The following RHBDF2 variants were observed in gnomAD, a reference collection of about 807,000 sequenced individuals.
RHBDF2 encodes the protein inactive rhomboid protein 2.
A neutral mutation model predicts 95.2 loss-of-function variants in RHBDF2; 38 were observed. The observed-to-expected ratio is 0.40, with a 90% CI of 0.31 to 0.52. RHBDF2 has a LOEUF of 0.52. RHBDF2 is among the 20% of genes least tolerant of loss of function. RHBDF2 has a pLI of 0.56. For missense variants in RHBDF2, 863 were observed against 1,137.7 expected (o/e 0.76, Z 3.47); for synonymous variants, 442 against 462.0 (o/e 0.96, Z 0.55).
intron 16 of RHBDF2, 47 bp downstream of exon 16, chr17:76,473,205 A>G (rs1318270067): frequency 1.3e-6 from 2 of 1,597,532 alleles, no homozygotes; most frequent in East Asian, 2.2e-5. Context: ...GCAGGCTGCC[A>G]TGCCCAGCGT....
intron 1 of RHBDF2, among the ~76,000 whole-genome samples, chr17:76,493,565 C>T (rs1204414434): frequency 1.3e-5 from 2 of 152,100 alleles, no homozygotes; most frequent in Non-Finnish European, 1.5e-5. Flanking sequence ...TTGGCATGAG[C>T]TGCGGCGTGA....
At chr17:76,472,614 C>T in intron 18 of RHBDF2, 72 bp downstream of exon 18, 1 of 1,595,304 alleles carries the variant, frequency 6.3e-7, no homozygotes, top group East Asian at 2.2e-5. Flanking sequence ...TGGCAGATCC[C>T]AGGTGGGTGG....
rs991301973 is a variant in RHBDF2 at position 76,473,416 on chromosome 17, G to A, written c.1734-89C>T. The A allele has an allele frequency of 4.9e-6, 6 of 1,234,524 alleles. No homozygotes were observed. The Admixed American group carries it at 1.2e-4, about 24-fold the overall frequency. The allele number at this position is 1,234,524 out of a possible 1,614,324, so 76.5% of individuals were successfully genotyped here. On this transcript the variant is annotated intron_variant, in intron 15 of 18. Coordinates refer to ENST00000675367, the MANE Select transcript of RHBDF2 (RefSeq NM_001005498.4). ...CAGAGCCCAGCACCTGGCTACAGGA[G>A]GCATCGCTGGCAGGAAGGGGGATGC...
chr17:76,474,459 G>A lies in RHBDF2; in HGVS notation c.1378C>T (p.Arg460Cys), dbSNP rs2073699146. 1 of 1,614,096 alleles carries A rather than the reference G, an allele frequency of 6.2e-7. No homozygotes were observed. Among genetic ancestry groups the A allele is most frequent in the Admixed American group, 1.7e-5 (1 of 60,022 alleles). ...GAGTCCCGCTCCAGGTCTCGCTCGCGCAGCACCAGCTGCTCGATCTGCCCG... is the reference window on the plus strand; with the variant it reads ...GAGTCCCGCTCCAGGTCTCGCTCGCACAGCACCAGCTGCTCGATCTGCCCG... ...KDGQIEQLVL[R>C]ERDLERDSGC... Residue 460 changes from arginine to cysteine, a missense_variant, in exon 12 of 19, where the codon CGC becomes TGC. Arg to Cys is a radical substitution (Grantham distance 180, BLOSUM62 -3). Transcript: ENST00000675367.
At chr17:76,481,016 G>C (rs3809697) in intron 3 of RHBDF2, among the ~76,000 whole-genome samples, 1 of 152,174 alleles carries the variant, frequency 6.6e-6, no homozygotes, top group Non-Finnish European at 1.5e-5. Context: ...GGGAGACACT[G>C]TCCCCTGCTC....
intron 9 of RHBDF2, 127 bp from the exon 10 acceptor site, chr17:76,475,268 T>G: frequency 4.7e-6 from 3 of 641,960 alleles, no homozygotes; most frequent in Non-Finnish European, 8.4e-6. Flanking sequence ...TCAACTCATC[T>G]CAAACCAGAG....
At chr17:76,476,407 ACTCAGCCT>A (rs1000520464) in intron 9 of RHBDF2, 2 of 166,076 alleles carry the variant, frequency 1.2e-5, no homozygotes, top group Non-Finnish European at 2.6e-5. Flanking sequence ...AATCCTTCTG[ACTCAGCCT>A]CCCAAAGTGC....
intron 2 of RHBDF2, among the ~76,000 whole-genome samples, chr17:76,483,900 C>T (rs2074044465): frequency 6.6e-6 from 1 of 152,196 alleles, no homozygotes; most frequent in Non-Finnish European, 1.5e-5. Context: ...CCAGAATTAA[C>T]ACCCTCTGCC....
chr17:76,493,769 C>G (rs2074366486), intron 1 of RHBDF2, among the ~76,000 whole-genome samples: 2 of 152,238 alleles, frequency 1.3e-5, no homozygotes, highest in South Asian at 4.1e-4. Flanking sequence ...CGCTTCAGCC[C>G]ACAGCTGCTG....
At chr17:76,482,574 G>C (rs2074003110) in intron 2 of RHBDF2, among the ~76,000 whole-genome samples, 1 of 152,184 alleles carries the variant, frequency 6.6e-6, no homozygotes, top group Admixed American at 6.5e-5. Context: ...AGGAGTTTGA[G>C]ACCAGCCTGG....
chr17:76,482,778 A>C (rs2074009736), intron 2 of RHBDF2, among the ~76,000 whole-genome samples: 1 of 152,110 alleles, frequency 6.6e-6, no homozygotes, highest in Admixed American at 6.5e-5. Flanking sequence ...GTCTCAAAAA[A>C]AAAAGATAAC....
chr17:76,496,579 T>C (rs2074431024), intron 1 of RHBDF2, among the ~76,000 whole-genome samples: 1 of 152,244 alleles, frequency 6.6e-6, no homozygotes, highest in Non-Finnish European at 1.5e-5. Flanking sequence ...TGGGCAGCAC[T>C]GCTCAGCTTG....
At chr17:76,474,201 G>A in intron 12 of RHBDF2, 59 bp from the exon 13 acceptor site, 4 of 1,371,674 alleles carry the variant, frequency 2.9e-6, no homozygotes, top group Non-Finnish European at 4.0e-6. Context: ...CCACTGGAGT[G>A]GGCAAGGACA....
In RHBDF2 at chr17:76,474,273, G is replaced by A. The variant is rs191662843; in HGVS notation, c.1464+100C>T. 2.6e-4 allele frequency: 371 copies of A among 1,413,178 alleles called. No homozygotes were observed. The East Asian group carries it at 5.2e-3, about 20-fold the overall frequency. 87.5% of individuals were successfully genotyped at this position (1,413,178 alleles called of 1,614,324 possible). A position where few individuals can be genotyped will look rare whatever the true frequency, so the allele number is the denominator to read the frequency against. The stretch of plus-strand genomic sequence containing the variant: ...TATGGGGGTCTGGGAAAGGTGGGGC[G>A]GGGAGGAGGGAACGTGGTCACTGCC... On this transcript the variant is annotated intron_variant, in intron 12 of 18. Coordinates refer to ENST00000675367, the MANE Select transcript of RHBDF2 (RefSeq NM_001005498.4).
At chr17:76,494,079 C>A (rs141570104) in intron 1 of RHBDF2, among the ~76,000 whole-genome samples, 1 of 152,080 alleles carries the variant, frequency 6.6e-6, no homozygotes, top group African/African-American at 2.4e-5. Context: ...TCCAGGGAGC[C>A]GCCAAGATCA....
At position 76,498,140 on chromosome 17, in the gene RHBDF2, C is replaced by A. The variant is rs190218601; in HGVS notation, c.-220+3213G>T. Among the ~76,000 whole-genome samples, 12 of 152,302 alleles carry A rather than the reference C, an allele frequency of 7.9e-5. No individual in the cohort carries two copies. In the East Asian group the frequency reaches 1.7e-3, roughly 22 times the overall value. ...CTGGGAGGCAAAACGACGTTCCGGG[C>A]AGGCTTGGTTTCCCTGTGAAGCCGC... On this transcript the variant is annotated intron_variant, in intron 1 of 18. Coordinates refer to ENST00000675367, the MANE Select transcript of RHBDF2 (RefSeq NM_001005498.4).
At chr17:76,495,543 T>C (rs966302000) in intron 1 of RHBDF2, among the ~76,000 whole-genome samples, 1 of 152,230 alleles carries the variant, frequency 6.6e-6, no homozygotes, top group African/African-American at 2.4e-5. Context: ...TTTGTCACCA[T>C]GAACGAGGGC....
intron 14 of RHBDF2, 47 bp from the exon 15 acceptor site, chr17:76,473,789 G>C (rs745663389): frequency 6.2e-7 from 1 of 1,612,114 alleles, no homozygotes; most frequent in Non-Finnish European, 8.5e-7. Context: ...GCAGCAGGCA[G>C]GTCCCCCATC....
chr17:76,485,254 A>T (rs1360628926), intron 2 of RHBDF2, among the ~76,000 whole-genome samples: 1 of 152,132 alleles, frequency 6.6e-6, no homozygotes. Context: ...CTAAAAATAC[A>T]AAAAACATTA....
Sources: gnomAD v4.1 joint callset for allele counts (sites outside exome capture counted in the v4.1 genomes callset) on GRCh38, gnomAD v4.1.1 for gene constraint, MANE v1.5 for transcripts, NCBI Gene and HGNC (gene_info 2026-07-23, HGNC 2026-07-21) for gene names.